The following ATG2B variants were observed in gnomAD, a reference collection of about 807,000 sequenced individuals.
ATG2B encodes the protein autophagy-related protein 2 homolog B.
In ATG2B, 121 loss-of-function variants were observed where a neutral mutation model predicts 241.3. That is an observed-to-expected ratio of 0.50 (90% CI 0.43 to 0.58). The LOEUF (loss-of-function observed/expected upper bound fraction) is 0.58, where lower values mean the gene tolerates loss of function less well. Among genes scored for constraint, ATG2B ranks in the 20% least tolerant of loss-of-function variants. ATG2B has a pLI of 0.00. For synonymous variants in ATG2B, 858 were observed against 876.6 expected (o/e 0.98, Z 0.37); for missense variants, 2,306 against 2,491.6 (o/e 0.93, Z 1.59).
At chr14:96,303,783 C>T (rs1248399531) in intron 32 of ATG2B, among the ~76,000 whole-genome samples, 2 of 152,100 alleles carry the variant, frequency 1.3e-5, no homozygotes, top group African/African-American at 2.4e-5. Context: ...CACAGAGAAG[C>T]TTGACTAATA....
chr14:96,362,687 C>A (rs947275210), intron 1 of ATG2B, 128 bp downstream of exon 1: 25 of 896,342 alleles, frequency 2.8e-5, no homozygotes, highest in Non-Finnish European at 4.1e-5. Flanking sequence ...TTTCTCTGAG[C>A]CGTGTCACAC....
intron 31 of ATG2B, 127 bp from the exon 32 acceptor site, chr14:96,304,730 C>T: frequency 1.5e-6 from 1 of 651,872 alleles, no homozygotes; most frequent in Non-Finnish European, 2.5e-6. Context: ...CAGAACGCTG[C>T]CACAAATTAC....
intron 29 of ATG2B, 105 bp from the exon 30 acceptor site, chr14:96,307,021 CTCAT>C: frequency 1.1e-6 from 1 of 918,538 alleles, no homozygotes; most frequent in South Asian, 1.7e-5. Flanking sequence ...CCTGCAATAT[CTCAT>C]TTATTTCCTA....
chr14:96,304,671 C>T, intron 31 of ATG2B, 68 bp from the exon 32 acceptor site: 4 of 1,200,210 alleles, frequency 3.3e-6, no homozygotes, highest in East Asian at 2.4e-5. Context: ...CAATGAATGA[C>T]ATTAAGGAAA....
intron 28 of ATG2B, among the ~76,000 whole-genome samples, chr14:96,310,531 G>C (rs932557221): frequency 6.6e-6 from 1 of 152,192 alleles, no homozygotes; most frequent in African/African-American, 2.4e-5. Flanking sequence ...GCAGAAAAGT[G>C]CATTGAACTG....
At position 96,315,703 on chromosome 14, in the gene ATG2B, T is replaced by G. The variant is rs142869046; in HGVS notation, c.3362-120A>C. The G allele has an allele frequency of 3.7e-4, 270 of 728,462 alleles. 1 individual carries two copies. In the African/African-American group the frequency reaches 4.1e-3, roughly 11 times the overall value. 45.1% of individuals were successfully genotyped at this position (728,462 alleles called of 1,614,324 possible). On this transcript the variant is annotated intron_variant, in intron 21 of 41. Coordinates refer to ENST00000359933, the MANE Select transcript of ATG2B (RefSeq NM_018036.7). ...CCACTGAATATAACTTAAGGAGGCA[T>G]GATGACAAAAACCAGCATGGCATTA...
chr14:96,315,650 A>G (rs1425047156), intron 21 of ATG2B, 67 bp from the exon 22 acceptor site: 4 of 1,328,378 alleles, frequency 3.0e-6, no homozygotes, highest in Non-Finnish European at 4.2e-6. Flanking sequence ...ATCAACTTAC[A>G]TGACTCAAAA....
intron 5 of ATG2B, among the ~76,000 whole-genome samples, 157 bp downstream of exon 5, chr14:96,342,962 C>A (rs1888081586): frequency 6.6e-6 from 1 of 152,140 alleles, no homozygotes; most frequent in Non-Finnish European, 1.5e-5. Context: ...ATTTTCAAAT[C>A]TCTGAAACAT....
chr14:96,311,378 T>A, intron 27 of ATG2B, 91 bp from the exon 28 acceptor site: 1 of 1,302,994 alleles, frequency 7.7e-7, no homozygotes, highest in Non-Finnish European at 1.1e-6. Flanking sequence ...ATAAGATTCA[T>A]GATAATCTGT....
rs1300490567 is a variant in ATG2B at position 96,334,485 on chromosome 14, T to C, written c.941A>G (p.Gln314Arg). ...LPGAKLDVDG[Q>R]IDSIHLLLSP... ...CAGGAGTAGATGAATAGAGTCTATC[T>C]GTCCATCAACATCCAACTTAAGGGA... The change falls in exon 7 of 42, where the codon CAG becomes CGG. Residue 314 changes from glutamine to arginine, a missense_variant. Physicochemically the swap from Gln to Arg is conservative, Grantham distance 43. Around this residue, in one of 2 missense-constraint regions of ATG2B, gnomAD observed 1,927 missense variants for 2,011.2 expected, o/e 0.96. Coordinates refer to ENST00000359933, the MANE Select transcript of ATG2B (RefSeq NM_018036.7). 3.1e-6 allele frequency: 5 copies of C among 1,600,000 alleles called. No homozygotes were observed. Among genetic ancestry groups the C allele is most frequent in the Admixed American group, 3.5e-5 (2 of 57,052 alleles).
chr14:96,296,022 C>T (rs1243261129), intron 34 of ATG2B, among the ~76,000 whole-genome samples: 4 of 152,056 alleles, frequency 2.6e-5, no homozygotes, highest in East Asian at 1.9e-4. Context: ...GGCACAATCT[C>T]GGCTCACTGC....
intron 2 of ATG2B, 91 bp downstream of exon 2, chr14:96,347,088 A>C (rs1308650397): frequency 8.3e-7 from 1 of 1,201,718 alleles, no homozygotes; most frequent in East Asian, 2.5e-5. Flanking sequence ...CACAAATACA[A>C]AGCAAAAATA....
Position 96,347,201 on chromosome 14 carries a change from G to A in ATG2B, c.303C>T (p.Val101=), listed in dbSNP as rs758036138. 6.3e-7 allele frequency: 1 copy of A among 1,597,360 alleles called. No homozygotes were observed. The highest frequency in any genetic ancestry group is 1.1e-5 in the South Asian group (1 of 89,856). Residue 101 remains valine, a synonymous_variant, in exon 2 of 42, where the codon GTC becomes GTT. Transcript: ENST00000359933. ...AACCTGGGCGAGGTCTAGGCCGGAA[G>A]ACCATTTCTAATCCTCTCACTTCCA... ...CALEVRGLEM[V]FRPRPRPATG... is the part of the protein sequence containing the mutation.
intron 1 of ATG2B, among the ~76,000 whole-genome samples, chr14:96,348,724 C>T (rs1014591443): frequency 6.6e-6 from 1 of 151,230 alleles, no homozygotes; most frequent in African/African-American, 2.4e-5. Context: ...AAGGTGGCTA[C>T]AGTCAATAAT....
At position 96,282,015 on chromosome 14, in the gene ATG2B, TATA is replaced by T. The variant is rs1886212683; in HGVS notation, c.*3737_*3739del. ...ACATTGGCTGACTTGCAACTGTGCA[TATA>T]ATGTCTATTCAAGGGGGCAGTGTGC... On this transcript the variant is annotated 3_prime_UTR_variant, in exon 42 of 42. Coordinates refer to ENST00000359933, the MANE Select transcript of ATG2B (RefSeq NM_018036.7). 1 of 152,194 alleles carries T rather than the reference TATA, an allele frequency of 6.6e-6. No individual in the cohort carries two copies. The allele number at this position is 152,194 out of a possible 1,614,324, so 9.4% of individuals were successfully genotyped here.
At position 96,323,985 on chromosome 14, in the gene ATG2B, T is replaced by C; in HGVS notation, c.2451A>G (p.Glu817=). 6.3e-7 allele frequency: 1 copy of C among 1,593,938 alleles called. No homozygotes were observed. Among genetic ancestry groups the C allele is most frequent in the Non-Finnish European group, 8.5e-7 (1 of 1,173,492 alleles). The change falls in exon 16 of 42, where the codon GAA becomes GAG. Residue 817 remains glutamate (E), a synonymous_variant. Coordinates refer to ENST00000359933, the MANE Select transcript of ATG2B (RefSeq NM_018036.7). ...ACTTAATAGATGGATCTCCTTTCTC[T>C]TCCTGGAACGATCCTAAAAAAAAAG... ...TFRELIGSFQ[E]EKGDPSIKFF...
chr14:96,311,577 T>C lies in ATG2B; in HGVS notation c.3955A>G (p.Ile1319Val), dbSNP rs1887157477. ...VMDMGLLELT[I>V]TAVKSDSDGE... ...TCAGAATCAGACTTCACTGCAGTTA[T>C]GGTTAACTCCAAAAGCCCCATATCC... The change falls in exon 27 of 42, where the codon ATA (isoleucine) becomes GTA (valine). Residue 1319 changes from isoleucine to valine, a missense_variant. Ile to Val is a conservative substitution (Grantham distance 29, BLOSUM62 3). Coordinates refer to ENST00000359933, the MANE Select transcript of ATG2B (RefSeq NM_018036.7). 6.2e-7 allele frequency: 1 copy of C among 1,610,060 alleles called. No homozygotes were observed. The highest frequency in any genetic ancestry group is 1.3e-5 in the African/African-American group (1 of 74,858).
At position 96,279,614 on chromosome 14, in the gene ATG2B, G is replaced by C. The variant is rs544020180; in HGVS notation, c.*6141C>G. 1 of 152,392 alleles carries C rather than the reference G, an allele frequency of 6.6e-6. No homozygotes were observed. The highest frequency in any genetic ancestry group is 1.5e-5 in the Non-Finnish European group (1 of 68,154). The allele number at this position is 152,392 out of a possible 1,614,324, so 9.4% of individuals were successfully genotyped here. On this transcript the variant is annotated 3_prime_UTR_variant, in exon 42 of 42. Coordinates refer to ENST00000359933, the MANE Select transcript of ATG2B (RefSeq NM_018036.7). ...GCTATAGTGGGAAACAGAGAGGAAG[G>C]GAGGGTGGCCAGGCTGCCTGAAGTG...
At chr14:96,315,255 A>G (rs781119767) in intron 22 of ATG2B, 21 bp from the exon 23 acceptor site, 1 of 1,607,020 alleles carries the variant, frequency 6.2e-7, no homozygotes, top group Non-Finnish European at 8.5e-7. Flanking sequence ...CAAGACAAAG[A>G]ATGACATTTA....
Sources: gnomAD v4.1 joint callset for allele counts (sites outside exome capture counted in the v4.1 genomes callset) on GRCh38, gnomAD v4.1.1 for gene constraint, gnomAD v4.1.1 regional missense constraint, MANE v1.5 for transcripts, NCBI Gene and HGNC (gene_info 2026-07-23, HGNC 2026-07-21) for gene names.